Variants in COLEC11 observed in about 807,000 individuals in gnomAD.
COLEC11 encodes the protein collectin-11.
COLEC11 carries 20 observed loss-of-function variants against 27.3 expected under a neutral mutation model. The ratio of observed to expected loss-of-function variants is 0.73; its 90% CI spans 0.51 to 1.06. The LOEUF (loss-of-function observed/expected upper bound fraction) is 1.06, where lower values mean the gene tolerates loss of function less well. Ranked by LOEUF, COLEC11 falls within the 50% of genes least tolerant of loss-of-function variation. The pLI is 0.00. For missense variants in COLEC11, 310 were observed against 383.0 expected, an observed-to-expected ratio of 0.81 and a Z score of 1.59; for synonymous variants, 163 against 154.7, an observed-to-expected ratio of 1.05 and a Z score of -0.40.
chr2:3,626,944 C>T (rs1303441206), intron 3 of COLEC11, among the ~76,000 whole-genome samples: 3 of 152,190 alleles, frequency 2.0e-5, no homozygotes, highest in Non-Finnish European at 4.4e-5. Context: ...CACACCCTCC[C>T]TGGAGTCTCA....
chr2:3,612,846 G>T (rs1663325824), intron 2 of COLEC11, among the ~76,000 whole-genome samples: 1 of 152,136 alleles, frequency 6.6e-6, no homozygotes, highest in African/African-American at 2.4e-5. Flanking sequence ...TGCCCTGGGG[G>T]GCTCACACTG....
chr2:3,639,888 G>A (rs2147962174), intron 4 of COLEC11, among the ~76,000 whole-genome samples: 1 of 152,312 alleles, frequency 6.6e-6, no homozygotes, highest in Non-Finnish European at 1.5e-5. Flanking sequence ...GGCCTGCGTG[G>A]CGCTCCCATC....
chr2:3,626,221 G>A lies in COLEC11; in HGVS notation c.203-11312G>A, dbSNP rs927350239. 1.5e-5 allele frequency: 13 copies of A among 852,576 alleles called. No homozygotes were observed. In the East Asian group the frequency reaches 1.9e-4, roughly 13 times the overall value. The allele number at this position is 852,576 out of a possible 1,614,324, so 52.8% of individuals were successfully genotyped here. A position where few individuals can be genotyped will look rare whatever the true frequency, so the allele number is the denominator to read the frequency against. On this transcript the variant is annotated intron_variant, in intron 3 of 6. Coordinates refer to ENST00000349077, the MANE Select transcript of COLEC11 (RefSeq NM_024027.5). ...GCAGAAGCCCCATTTCTAGATGGACGTGGTTTGCTGGGAGGGAGGAATATT... is the reference window on the plus strand; with the variant it reads ...GCAGAAGCCCCATTTCTAGATGGACATGGTTTGCTGGGAGGGAGGAATATT...
chr2:3,596,867 C>T (rs1259706943), intron 1 of COLEC11, among the ~76,000 whole-genome samples: 2 of 152,232 alleles, frequency 1.3e-5, no homozygotes, highest in Non-Finnish European at 2.9e-5. Flanking sequence ...GGCGAGACCT[C>T]TGGGAAGCAG....
intron 2 of COLEC11, chr2:3,605,858 G>A: frequency 2.1e-6 from 1 of 476,002 alleles, no homozygotes; most frequent in Non-Finnish European, 3.8e-6. Context: ...GGGCCACCCT[G>A]CCAGGCTGTG....
rs529921013 is a variant in COLEC11, at chr2:3,626,665, G to A, written c.203-10868G>A. On this transcript the variant is annotated intron_variant, in intron 3 of 6. Coordinates refer to ENST00000349077, the MANE Select transcript of COLEC11 (RefSeq NM_024027.5). ...CCAACTGACATTCTTTCTGATAATC[G>A]TGGCTGTTTCCGTCAGCTGTAAGTG... Among the ~76,000 whole-genome samples, 38 of 152,338 alleles carry A rather than the reference G, an allele frequency of 2.5e-4. 1 individual carries two copies. The highest frequency in any genetic ancestry group is 7.9e-4 in the African/African-American group (33 of 41,570).
chr2:3,610,111 G>A (rs911035632), intron 2 of COLEC11, among the ~76,000 whole-genome samples: 13 of 152,202 alleles, frequency 8.5e-5, no homozygotes, highest in Admixed American at 6.5e-5. Context: ...AGTGAGTCTC[G>A]CTCTGGGGTT....
intron 3 of COLEC11, 51 bp from the exon 4 acceptor site, chr2:3,637,482 C>T (rs750110926): frequency 2.8e-6 from 4 of 1,435,280 alleles, no homozygotes; most frequent in Non-Finnish European, 3.9e-6. Context: ...ATGGAGGAGG[C>T]CACGGTGTCA....
intron 3 of COLEC11, among the ~76,000 whole-genome samples, chr2:3,615,881 C>T (rs578081269): frequency 4.0e-5 from 2 of 50,472 alleles, no homozygotes; most frequent in South Asian, 2.0e-3. Flanking sequence ...CCGGACGCGG[C>T]GGCTGGCCGG....
intron 3 of COLEC11, among the ~76,000 whole-genome samples, chr2:3,627,800 G>A (rs1664671711): frequency 6.6e-6 from 1 of 151,834 alleles, no homozygotes; most frequent in Admixed American, 6.6e-5. Context: ...ACGATGCTGG[G>A]CACAATGCTG....
chr2:3,624,711 C>G (rs769163314), intron 3 of COLEC11, among the ~76,000 whole-genome samples: 62 of 152,274 alleles, frequency 4.1e-4, no homozygotes, highest in Non-Finnish European at 6.2e-4. Context: ...GGATTTTTTT[C>G]TCTAACAGTG....
intron 3 of COLEC11, among the ~76,000 whole-genome samples, chr2:3,629,292 A>G (rs1210068580): frequency 1.3e-5 from 2 of 152,112 alleles, no homozygotes; most frequent in African/African-American, 2.4e-5. Flanking sequence ...TCTTCCTCCA[A>G]ACACCCCAAA....
intron 3 of COLEC11, among the ~76,000 whole-genome samples, chr2:3,618,844 A>T (rs79265925): frequency 6.6e-6 from 1 of 152,110 alleles, no homozygotes; most frequent in Admixed American, 6.5e-5. Flanking sequence ...TGTGTCTTCA[A>T]TGTTTCATAG....
rs747417729 is a variant in COLEC11 at position 3,602,925 on chromosome 2, CTCTG to C, written c.-26-1370_-26-1367del. On this transcript the variant is annotated intron_variant, in intron 1 of 6. Transcript: ENST00000349077. This position sits in a 1 kb window ranked among gnomAD's most constrained non-coding sequence, Gnocchi z 6.2. The stretch of plus-strand genomic sequence containing the variant: ...GGCGCTTACCCCTGCCTCTGTCTGT[CTCTG>C]TCTGTCTGTCTGTCTGTCTCTTCCA... 2.0e-4 allele frequency among the ~76,000 whole-genome samples: 31 copies of C among 152,132 alleles called. No homozygotes were observed. Among genetic ancestry groups the C allele is most frequent in the Admixed American group, 3.3e-4 (5 of 15,280 alleles).
At chr2:3,601,310 A>T (rs1023976668) in intron 1 of COLEC11, among the ~76,000 whole-genome samples, 21 of 151,552 alleles carry the variant, frequency 1.4e-4, no homozygotes, top group Non-Finnish European at 2.1e-4. Context: ...TATTATTATT[A>T]TTTTTTTTGA....
At chr2:3,632,880 C>T (rs1254502865) in intron 3 of COLEC11, among the ~76,000 whole-genome samples, 1 of 139,322 alleles carries the variant, frequency 7.2e-6, no homozygotes, top group Non-Finnish European at 1.5e-5. Context: ...GGAACGTCAC[C>T]TTCCCATGAA....
At position 3,610,717 on chromosome 2, in the gene COLEC11, C is replaced by A. The variant is rs1048582185; in HGVS notation, c.131-2594C>A. 3.7e-4 allele frequency among the ~76,000 whole-genome samples: 56 copies of A among 152,296 alleles called. 1 individual carries two copies. Among genetic ancestry groups the A allele is most frequent in the African/African-American group, 1.3e-3 (53 of 41,558 alleles). On this transcript the variant is annotated intron_variant, in intron 2 of 6. Transcript: ENST00000349077. ...GCACCTGCTGACCCTGTCCTCAGAA[C>A]ACTTCTTACTCTGTGCCTGGCTACC... is the stretch of plus-strand genomic sequence containing the variant.
chr2:3,616,396 G>A (rs1304964851), intron 3 of COLEC11, among the ~76,000 whole-genome samples: 1 of 151,926 alleles, frequency 6.6e-6, no homozygotes, highest in Non-Finnish European at 1.5e-5. Flanking sequence ...ACTTTGGGAG[G>A]CCAAGGCAGG....
At chr2:3,601,998 G>C (rs965514067) in intron 1 of COLEC11, 1 of 152,266 alleles carries the variant, frequency 6.6e-6, no homozygotes, top group Admixed American at 6.5e-5. Flanking sequence ...AGAACTCCTC[G>C]TGCAGCAGGA....
Sources: gnomAD v4.1 joint callset for allele counts (sites outside exome capture counted in the v4.1 genomes callset) on GRCh38, gnomAD v4.1.1 for gene constraint, Gnocchi (gnomAD v3.1) non-coding constraint, MANE v1.5 for transcripts, NCBI Gene and HGNC (gene_info 2026-07-23, HGNC 2026-07-21) for gene names.